The following SLC44A1 variants were observed in gnomAD, a reference collection of about 807,000 sequenced individuals.
SLC44A1 encodes choline transporter-like protein 1.
Under a neutral mutation model 79.3 loss-of-function variants are expected in SLC44A1, and 26 were observed. That is an observed-to-expected ratio of 0.33 (90% CI 0.24 to 0.46). SLC44A1 has a LOEUF of 0.46. Among genes scored for constraint, SLC44A1 ranks in the 20% least tolerant of loss-of-function variants. The probability of loss-of-function intolerance (pLI) is 1.00; values close to 1 mark genes in which losing one functional copy is unlikely to be tolerated. For synonymous variants in SLC44A1, 263 were observed against 286.2 expected, an observed-to-expected ratio of 0.92 and a Z score of 0.82; for missense variants, 688 against 798.1, an observed-to-expected ratio of 0.86 and a Z score of 1.66.
intron 3 of SLC44A1, among the ~76,000 whole-genome samples, chr9:105,316,232 A>G (rs1831321575): frequency 6.6e-6 from 1 of 152,100 alleles, no homozygotes; most frequent in African/African-American, 2.4e-5. Context: ...TTTTGAAGAG[A>G]GAGGTGTAAG....
At chr9:105,376,314 T>TACAC (rs33933201) in intron 13 of SLC44A1, among the ~76,000 whole-genome samples, 44 of 139,176 alleles carry the variant, frequency 3.2e-4, no homozygotes, top group East Asian at 8.2e-4. Flanking sequence ...TATATATGTA[T>TACAC]ACACACACAC....
At chr9:105,324,269 A>G (rs1412240522) in intron 3 of SLC44A1, among the ~76,000 whole-genome samples, 2 of 144,348 alleles carry the variant, frequency 1.4e-5, no homozygotes, top group Non-Finnish European at 3.0e-5. Flanking sequence ...TTTTTTTTTA[A>G]AGACAGAGTT....
intron 1 of SLC44A1, among the ~76,000 whole-genome samples, chr9:105,246,374 T>C (rs1228882664): frequency 1.1e-5 from 1 of 92,254 alleles, no homozygotes; most frequent in African/African-American, 6.5e-5. Context: ...TCCTCCAGTC[T>C]TTTTTTTTTT....
intron 1 of SLC44A1, among the ~76,000 whole-genome samples, chr9:105,269,761 C>T (rs1186999053): frequency 1.3e-5 from 2 of 152,186 alleles, no homozygotes. Flanking sequence ...AGGTTACTGA[C>T]AGCTGCCAGC....
chr9:105,427,166 C>A (rs1038888249), intron 15 of SLC44A1, among the ~76,000 whole-genome samples: 11 of 152,168 alleles, frequency 7.2e-5, no homozygotes, highest in Non-Finnish European at 1.5e-4. Flanking sequence ...CTCCTGAGCT[C>A]AAGCGATCTA....
intron 3 of SLC44A1, among the ~76,000 whole-genome samples, chr9:105,321,155 A>T (rs1298290949): frequency 2.0e-5 from 3 of 152,118 alleles, no homozygotes; most frequent in Admixed American, 6.6e-5. Flanking sequence ...CAAATTCACA[A>T]TGATTTTTTT....
downstream of SLC44A1, among the ~76,000 whole-genome samples, chr9:105,401,828 G>T (rs996383991): frequency 6.6e-6 from 1 of 152,180 alleles, no homozygotes; most frequent in Non-Finnish European, 1.5e-5. Context: ...TATATTCTGG[G>T]AGCTCAGTTC....
intron 1 of SLC44A1, among the ~76,000 whole-genome samples, chr9:105,285,109 AATTAT>A (rs1421898253): frequency 6.6e-6 from 1 of 152,100 alleles, no homozygotes; most frequent in East Asian, 1.9e-4. Flanking sequence ...TTTATTGCAA[AATTAT>A]ATTCTATGGC....
At chr9:105,332,043 T>A (rs1001754787) in intron 3 of SLC44A1, among the ~76,000 whole-genome samples, 2 of 152,194 alleles carry the variant, frequency 1.3e-5, no homozygotes, top group Non-Finnish European at 2.9e-5. Context: ...TATTTTTAAC[T>A]TCATGTGTGT....
chr9:105,431,180 A>G (rs1829387978), intron 15 of SLC44A1, among the ~76,000 whole-genome samples: 1 of 152,216 alleles, frequency 6.6e-6, no homozygotes, highest in African/African-American at 2.4e-5. Flanking sequence ...GTATAGTTTT[A>G]GCTCATACAT....
At chr9:105,300,439 TCTC>T (rs1830848599) in intron 2 of SLC44A1, among the ~76,000 whole-genome samples, 2 of 152,148 alleles carry the variant, frequency 1.3e-5, no homozygotes. Flanking sequence ...TTGCTCTTTG[TCTC>T]CTCTGACTGC....
chr9:105,300,813 G>GTC (rs1247789052), intron 2 of SLC44A1, among the ~76,000 whole-genome samples: 1 of 147,202 alleles, frequency 6.8e-6, no homozygotes, highest in Non-Finnish European at 1.5e-5. Context: ...TTTTGCTCTT[G>GTC]TTGCCCATGC....
At chr9:105,345,163 T>A (rs1478273084) in intron 4 of SLC44A1, among the ~76,000 whole-genome samples, 1 of 152,180 alleles carries the variant, frequency 6.6e-6, no homozygotes, top group Non-Finnish European at 1.5e-5. Flanking sequence ...CTGATGGTTA[T>A]ATGCAGAATG....
intron 13 of SLC44A1, among the ~76,000 whole-genome samples, chr9:105,382,854 G>A (rs887003933): frequency 1.3e-5 from 2 of 152,136 alleles, no homozygotes; most frequent in African/African-American, 4.8e-5. Context: ...AATAGATTAA[G>A]TTTTAGGGTG....
intron 3 of SLC44A1, among the ~76,000 whole-genome samples, chr9:105,317,301 G>A (rs1002612588): frequency 1.3e-5 from 2 of 152,184 alleles, no homozygotes; most frequent in African/African-American, 2.4e-5. Flanking sequence ...CTCTCAGCCA[G>A]TGACAGGGTT....
At chr9:105,262,625 C>T (rs1382377530) in intron 1 of SLC44A1, among the ~76,000 whole-genome samples, 1 of 152,182 alleles carries the variant, frequency 6.6e-6, no homozygotes, top group African/African-American at 2.4e-5. Flanking sequence ...TCATGTATCT[C>T]TGCCCTGTTA....
intron 9 of SLC44A1, among the ~76,000 whole-genome samples, 179 bp downstream of exon 9, chr9:105,363,186 A>G (rs919609976): frequency 2.6e-5 from 4 of 151,688 alleles, no homozygotes; most frequent in Non-Finnish European, 4.4e-5. Flanking sequence ...TTTTTGAGAC[A>G]GAGTCTTGCT....
At chr9:105,252,719 T>A (rs751924126) in intron 1 of SLC44A1, among the ~76,000 whole-genome samples, 1 of 152,230 alleles carries the variant, frequency 6.6e-6, no homozygotes, top group Non-Finnish European at 1.5e-5. Flanking sequence ...GGTGAAAAAT[T>A]TAAGTCATTA....
intron 5 of SLC44A1, among the ~76,000 whole-genome samples, chr9:105,351,580 GAGAGAA>G (rs1827420609): frequency 8.0e-6 from 1 of 124,900 alleles, no homozygotes; most frequent in African/African-American, 3.5e-5. Context: ...AAGAGAGAAA[GAGAGAA>G]AGAGAGAAAG....
Sources: allele counts gnomAD v4.1 joint callset (sites outside exome capture counted in the v4.1 genomes callset), GRCh38; gene constraint gnomAD v4.1.1; transcripts MANE v1.5; gene names NCBI Gene and HGNC (gene_info 2026-07-23, HGNC 2026-07-21).